The following NBEA variants were observed in gnomAD, a reference collection of about 807,000 sequenced individuals.
The protein encoded by NBEA is neurobeachin.
Under a neutral mutation model 343.4 loss-of-function variants are expected in NBEA, and 44 were observed. The ratio of observed to expected loss-of-function variants is 0.13; its 90% CI spans 0.10 to 0.16. The LOEUF is 0.16. Among genes scored for constraint, NBEA ranks in the 10% least tolerant of loss-of-function variants. The pLI is 1.00. For missense variants in NBEA, 2,555 were observed against 3,631.3 expected (o/e 0.70, Z 7.62); for synonymous variants, 1,175 against 1,238.7 (o/e 0.95, Z 1.08).
intron 1 of NBEA, among the ~76,000 whole-genome samples, chr13:35,013,108 C>A (rs2061539644): frequency 6.6e-6 from 1 of 152,156 alleles, no homozygotes; most frequent in Non-Finnish European, 1.5e-5. Context: ...ACTGACATCA[C>A]ACAAATGATA....
rs913612867 is a variant in NBEA at position 35,195,177 on chromosome 13, T to C, written c.4928-687T>C. On this transcript the variant is annotated intron_variant, in intron 30 of 58. Transcript: ENST00000379939. Reference sequence around the variant, plus strand: ...TTTTAAGGAAACTAATAGAGAAATATAAGAATTTCTCTTCTATGATTGGCA... The same window carrying C: ...TTTTAAGGAAACTAATAGAGAAATACAAGAATTTCTCTTCTATGATTGGCA... Among the ~76,000 whole-genome samples the C allele has an allele frequency of 7.9e-5, 12 of 152,178 alleles. No homozygotes were observed. In the South Asian group the frequency reaches 2.5e-3, roughly 32 times the overall value.
chr13:35,473,929 A>G (rs1202246466), intron 41 of NBEA, among the ~76,000 whole-genome samples: 3 of 151,978 alleles, frequency 2.0e-5, no homozygotes, highest in African/African-American at 7.2e-5. Context: ...TTTTTTTCTT[A>G]TATTATCAAA....
At chr13:35,309,795 A>C (rs998498822) in intron 36 of NBEA, among the ~76,000 whole-genome samples, 1 of 152,170 alleles carries the variant, frequency 6.6e-6, no homozygotes, top group African/African-American at 2.4e-5. Flanking sequence ...GCATGAAATA[A>C]AGGGACAAAC....
intron 21 of NBEA, among the ~76,000 whole-genome samples, chr13:35,158,186 T>C (rs772071152): frequency 9.9e-5 from 15 of 152,132 alleles, no homozygotes; most frequent in Non-Finnish European, 1.5e-4. Context: ...TTTCTTCTTC[T>C]GTAAAATTAA....
chr13:35,029,728 A>T (rs1301510979), intron 1 of NBEA, among the ~76,000 whole-genome samples: 1 of 151,664 alleles, frequency 6.6e-6, no homozygotes, highest in South Asian at 2.1e-4. Flanking sequence ...AAGGTACTTA[A>T]ATTGCTAGTA....
intron 38 of NBEA, among the ~76,000 whole-genome samples, chr13:35,360,110 A>T (rs186455939): frequency 6.6e-6 from 1 of 152,038 alleles, no homozygotes; most frequent in Non-Finnish European, 1.5e-5. Context: ...CAGGAGCAGG[A>T]TTTGAGTCTA....
At chr13:35,030,479 G>A (rs1159307158) in intron 1 of NBEA, among the ~76,000 whole-genome samples, 1 of 151,494 alleles carries the variant, frequency 6.6e-6, no homozygotes, top group East Asian at 1.9e-4. Flanking sequence ...GCTTACTTAT[G>A]TGTGACCTTA....
intron 8 of NBEA, among the ~76,000 whole-genome samples, chr13:35,060,013 G>T (rs1174841512): frequency 6.6e-6 from 1 of 151,620 alleles, no homozygotes; most frequent in East Asian, 1.9e-4. Flanking sequence ...TTGCATCCTG[G>T]TTCTGCCATT....
chr13:35,663,636 T>C (rs1248775408), intron 55 of NBEA, among the ~76,000 whole-genome samples: 1 of 152,218 alleles, frequency 6.6e-6, no homozygotes, highest in Admixed American at 6.5e-5. Flanking sequence ...TTATCAATGC[T>C]TAAAGCTTAT....
rs564931019 is a variant in NBEA at position 35,021,121 on chromosome 13, G to GT, written c.295-19803dup. ...TTAATTTAGCTCTCATTTTTTTGGA[G>GT]TTTTTTTTTCTGCATAGGGTTATTT... is the stretch of plus-strand genomic sequence containing the variant. On this transcript the variant is annotated intron_variant, in intron 1 of 58. Transcript: ENST00000379939. 1.6e-4 allele frequency among the ~76,000 whole-genome samples: 24 copies of GT among 150,898 alleles called. No individual in the cohort carries two copies. In the East Asian group the frequency reaches 1.7e-3, roughly 11 times the overall value.
chr13:35,668,538 A>G lies in NBEA; in HGVS notation c.8813+19A>G. 6.4e-7 allele frequency: 1 copy of G among 1,563,580 alleles called. No individual in the cohort carries two copies. The highest frequency in any genetic ancestry group is 8.7e-7 in the Non-Finnish European group (1 of 1,153,442). On this transcript the variant is annotated intron_variant, in intron 58 of 58. Transcript: ENST00000379939. ...ACCAGAGGTGAGCTGCGTCAAGGAC[A>G]AGTATCATCACTGAGAACTGTCATT...
chr13:35,091,704 A>G (rs1362985793), intron 10 of NBEA, among the ~76,000 whole-genome samples: 1 of 151,976 alleles, frequency 6.6e-6, no homozygotes, highest in African/African-American at 2.4e-5. Context: ...CACAGCATCA[A>G]AAATGTTAAA....
intron 44 of NBEA, among the ~76,000 whole-genome samples, chr13:35,565,298 A>G (rs1049603662): frequency 1.3e-5 from 2 of 152,250 alleles, no homozygotes; most frequent in Non-Finnish European, 2.9e-5. Context: ...ATAGTCATCA[A>G]TAAAGTGTTT....
At chr13:35,627,792 A>G (rs951094663) in intron 48 of NBEA, among the ~76,000 whole-genome samples, 22 of 152,114 alleles carry the variant, frequency 1.4e-4, no homozygotes, top group African/African-American at 4.6e-4. Context: ...AAATTTATTT[A>G]TGTTAAATCA....
intron 46 of NBEA, among the ~76,000 whole-genome samples, chr13:35,590,005 A>G (rs1024814166): frequency 3.3e-5 from 5 of 152,128 alleles, no homozygotes; most frequent in Non-Finnish European, 5.9e-5. Flanking sequence ...TATACATCTT[A>G]TCTCCCATGC....
At chr13:35,641,201 C>T (rs976026431) in intron 49 of NBEA, among the ~76,000 whole-genome samples, 3 of 152,028 alleles carry the variant, frequency 2.0e-5, no homozygotes, top group Non-Finnish European at 4.4e-5. Context: ...TTTACAGCTT[C>T]GACCATTACA....
intron 17 of NBEA, among the ~76,000 whole-genome samples, chr13:35,134,294 T>A (rs1264826458): frequency 6.6e-6 from 1 of 151,752 alleles, no homozygotes; most frequent in African/African-American, 2.4e-5. Flanking sequence ...TCATAAAACT[T>A]GGCTCAACAG....
At chr13:35,173,052 A>T (rs1242876745) in intron 26 of NBEA, among the ~76,000 whole-genome samples, 2 of 152,158 alleles carry the variant, frequency 1.3e-5, no homozygotes, top group Non-Finnish European at 2.9e-5. Context: ...TGCTCAGTAG[A>T]GTCGACAAGA....
intron 1 of NBEA, among the ~76,000 whole-genome samples, chr13:35,025,074 A>G (rs889919088): frequency 7.9e-5 from 12 of 151,968 alleles, no homozygotes; most frequent in Admixed American, 6.6e-5. Context: ...TAGATATTAG[A>G]CTTTTTGTAG....
Sources: allele counts gnomAD v4.1 joint callset (sites outside exome capture counted in the v4.1 genomes callset), GRCh38; gene constraint gnomAD v4.1.1; transcripts MANE v1.5; gene names NCBI Gene and HGNC (gene_info 2026-07-23, HGNC 2026-07-21).